The following PEX14 variants were observed in gnomAD, a reference collection of about 807,000 sequenced individuals.
PEX14 encodes peroxisomal biogenesis factor 14, also known as peroxisomal membrane protein PEX14.
In PEX14, 15 loss-of-function variants were observed where a neutral mutation model predicts 49.5. The observed-to-expected ratio is 0.30, with a 90% confidence interval of 0.20 to 0.47. The LOEUF (loss-of-function observed/expected upper bound fraction) is 0.47. Ranked by LOEUF, PEX14 falls within the 20% of genes least tolerant of loss-of-function variation. The pLI is 1.00. For missense variants in PEX14, 398 were observed against 494.8 expected, an observed-to-expected ratio of 0.80 and a Z score of 1.86; for synonymous variants, 210 against 212.7, an observed-to-expected ratio of 0.99 and a Z score of 0.11.
At chr1:10,586,728 C>T (rs1640504237) in intron 3 of PEX14, among the ~76,000 whole-genome samples, 1 of 150,308 alleles carries the variant, frequency 6.7e-6, no homozygotes, top group Admixed American at 6.7e-5. Flanking sequence ...CAAGCTCCAC[C>T]TCCTGGGTTC....
At chr1:10,477,063 A>T (rs943590724) in intron 1 of PEX14, among the ~76,000 whole-genome samples, 2 of 149,440 alleles carry the variant, frequency 1.3e-5, no homozygotes, top group Admixed American at 1.3e-4. Flanking sequence ...TGGGGGAAAA[A>T]CTTGAACTTT....
At position 10,552,436 on chromosome 1, in the gene PEX14, C is replaced by T. The variant is rs935559883; in HGVS notation, c.169+16139C>T. On this transcript the variant is annotated intron_variant, in intron 3 of 8. Coordinates refer to ENST00000356607, the MANE Select transcript of PEX14 (RefSeq NM_004565.3). Reference sequence around the variant, plus strand: ...CAGCCTGGGCAACAGGGCAAGACTCCGTCTCAAAAAAAAAATCTGCTTTTT... The same window carrying T: ...CAGCCTGGGCAACAGGGCAAGACTCTGTCTCAAAAAAAAAATCTGCTTTTT... Among the ~76,000 whole-genome samples the T allele has an allele frequency of 9.2e-5, 14 of 151,866 alleles. No individual in the cohort carries two copies. In the East Asian group the frequency reaches 1.2e-3, roughly 13 times the overall value.
chr1:10,502,590 A>G (rs1364897045), intron 2 of PEX14, among the ~76,000 whole-genome samples: 1 of 152,188 alleles, frequency 6.6e-6, no homozygotes, highest in African/African-American at 2.4e-5. Flanking sequence ...TGGAATTTGA[A>G]AAAGTTATTC....
intron 3 of PEX14, among the ~76,000 whole-genome samples, chr1:10,585,176 C>T (rs1018188878): frequency 1.4e-4 from 21 of 152,062 alleles, no homozygotes; most frequent in Admixed American, 2.0e-4. Flanking sequence ...ATTCCATTGA[C>T]GGGTGCTAAA....
At chr1:10,524,532 A>C in intron 2 of PEX14, 3 of 402,582 alleles carry the variant, frequency 7.5e-6, no homozygotes, top group Non-Finnish European at 1.0e-5. Context: ...TTACATGCTC[A>C]TCTGGCTTCT....
Position 10,629,709 on chromosome 1 carries a change from T to C in PEX14, c.856T>C (p.Ser286Pro), listed in dbSNP as rs1227234692. The change falls in exon 9 of 9, where the codon TCC becomes CCC. Residue 286 changes from serine to proline, a missense_variant. Ser to Pro is a moderately conservative substitution (Grantham distance 74). This residue lies in a region of PEX14 where 140 missense variants were observed against 155.5 expected (regional missense o/e 0.90). Transcript: ENST00000356607. The surrounding 1 kb of genome is among the most constrained non-coding windows in gnomAD (Gnocchi z 8.5). Reference protein sequence around the residue: ...PGKEGHSPEGSTVTYHLLGPQ... With the variant: ...PGKEGHSPEGPTVTYHLLGPQ... ...GAAGGAGGGCCACAGCCCCGAGGGC[T>C]CCACGGTCACCTACCACTTGCTGGG... is the stretch of plus-strand genomic sequence containing the variant. 1.2e-6 allele frequency: 2 copies of C among 1,609,006 alleles called. No homozygotes were observed. The highest frequency in any genetic ancestry group is 1.7e-5 in the Admixed American group (1 of 59,240).
At chr1:10,594,143 T>C (rs1640756730) in intron 3 of PEX14, among the ~76,000 whole-genome samples, 1 of 152,358 alleles carries the variant, frequency 6.6e-6, no homozygotes, top group South Asian at 2.1e-4. Context: ...AGAGTCCTTA[T>C]TGTACTCTAC....
intron 2 of PEX14, among the ~76,000 whole-genome samples, chr1:10,504,780 C>T (rs909217107): frequency 1.0e-4 from 15 of 149,444 alleles, no homozygotes; most frequent in African/African-American, 3.7e-4. Context: ...CTCTTCTTTC[C>T]TTCCCTCCCC....
At chr1:10,624,214 G>A (rs892293252) in intron 6 of PEX14, 126 bp from the exon 7 acceptor site, 8 of 773,752 alleles carry the variant, frequency 1.0e-5, no homozygotes, top group Non-Finnish European at 1.7e-5. Flanking sequence ...GATTGCGGGG[G>A]CTGGGGGTGT....
rs1638918326 is a variant in PEX14, at chr1:10,538,918, T to G, written c.169+2621T>G. ...TCCTAGCAATGTCACTTCAGGGAATTGCAGTGGAGCACTGACTTGAATTAT... is the reference window on the plus strand; with the variant it reads ...TCCTAGCAATGTCACTTCAGGGAATGGCAGTGGAGCACTGACTTGAATTAT... On this transcript the variant is annotated intron_variant, in intron 3 of 8. Coordinates refer to ENST00000356607, the MANE Select transcript of PEX14 (RefSeq NM_004565.3). Among the ~76,000 whole-genome samples, 6 of 152,360 alleles carry G rather than the reference T, an allele frequency of 3.9e-5. No individual in the cohort carries two copies. The South Asian group carries it at 1.2e-3, about 32-fold the overall frequency.
At chr1:10,479,953 C>T (rs1641255311) in intron 1 of PEX14, among the ~76,000 whole-genome samples, 1 of 152,136 alleles carries the variant, frequency 6.6e-6, no homozygotes. Context: ...ACGATGATCA[C>T]ATATGTGAAT....
intron 1 of PEX14, among the ~76,000 whole-genome samples, chr1:10,483,269 C>T (rs898167169): frequency 7.2e-5 from 11 of 152,164 alleles, no homozygotes; most frequent in African/African-American, 2.7e-4. Context: ...GATCCTCCTG[C>T]CTTGGCCTCC....
intron 3 of PEX14, among the ~76,000 whole-genome samples, chr1:10,570,009 C>T (rs897747538): frequency 1.3e-5 from 2 of 151,886 alleles, no homozygotes; most frequent in African/African-American, 2.4e-5. Flanking sequence ...TTTAGAACCT[C>T]GATAGTTGGA....
chr1:10,496,911 C>T (rs1315864510), intron 2 of PEX14, among the ~76,000 whole-genome samples: 4 of 151,668 alleles, frequency 2.6e-5, no homozygotes, highest in African/African-American at 4.8e-5. Flanking sequence ...CTCCTCTTTA[C>T]GTACTTGCTG....
intron 1 of PEX14, among the ~76,000 whole-genome samples, chr1:10,481,275 T>G (rs1329226165): frequency 6.6e-6 from 1 of 151,784 alleles, no homozygotes; most frequent in East Asian, 1.9e-4. Flanking sequence ...GTAGCTGGAA[T>G]TACAGGTGCC....
At chr1:10,496,118 C>T (rs544522588) in intron 2 of PEX14, among the ~76,000 whole-genome samples, 5 of 152,276 alleles carry the variant, frequency 3.3e-5, no homozygotes, top group South Asian at 2.1e-4. Context: ...TTCTGGCAGT[C>T]GCGGGAGGAG....
Position 10,477,199 on chromosome 1 carries a change from T to C in PEX14, c.36+2197T>C, listed in dbSNP as rs1367458387. On this transcript the variant is annotated intron_variant, in intron 1 of 8. Transcript: ENST00000356607. ...CATTCTCCTGCCTCAGCCTCCCTAG[T>C]AGCTGGGACTACAGGCGCCCGCCAC... Among the ~76,000 whole-genome samples the C allele has an allele frequency of 2.0e-5, 3 of 152,210 alleles. No homozygotes were observed. The East Asian group carries it at 5.8e-4, about 29-fold the overall frequency.
chr1:10,535,877 A>G (rs1175526647), intron 2 of PEX14: 1 of 373,284 alleles, frequency 2.7e-6, no homozygotes, highest in Non-Finnish European at 5.2e-6. Flanking sequence ...TACAGGGCAC[A>G]AGGGCGGCGA....
intron 3 of PEX14, among the ~76,000 whole-genome samples, chr1:10,563,805 G>C (rs960839767): frequency 4.0e-5 from 6 of 151,750 alleles, no homozygotes; most frequent in Non-Finnish European, 8.8e-5. Context: ...CCAGCTACTC[G>C]GGAGGCTGAG....
Sources: gnomAD v4.1 joint callset for allele counts (sites outside exome capture counted in the v4.1 genomes callset) on GRCh38, gnomAD v4.1.1 for gene constraint, gnomAD v4.1.1 regional missense constraint, Gnocchi (gnomAD v3.1) non-coding constraint, MANE v1.5 for transcripts, NCBI Gene and HGNC (gene_info 2026-07-23, HGNC 2026-07-21) for gene names.